The following MARCHF1 variants were observed in gnomAD, a reference collection of about 807,000 sequenced individuals.
MARCHF1 encodes membrane associated ring-CH-type finger 1.
Under a neutral mutation model 54.2 loss-of-function variants are expected in MARCHF1, and 40 were observed. That is an observed-to-expected ratio of 0.74 (90% CI 0.57 to 0.96). The LOEUF (loss-of-function observed/expected upper bound fraction) is 0.96, where lower values mean the gene tolerates loss of function less well. Ranked by LOEUF, MARCHF1 falls within the 40% of genes least tolerant of loss-of-function variation. The probability of loss-of-function intolerance (pLI) is 0.00; values close to 1 mark genes in which losing one functional copy is unlikely to be tolerated. For missense variants in MARCHF1, 586 were observed against 656.5 expected, an observed-to-expected ratio of 0.89 and a Z score of 1.17; for synonymous variants, 236 against 236.3, an observed-to-expected ratio of 1.00 and a Z score of 0.01.
At chr4:164,165,189 T>A (rs1052686664) in intron 1 of MARCHF1, among the ~76,000 whole-genome samples, 1 of 152,036 alleles carries the variant, frequency 6.6e-6, no homozygotes, top group Non-Finnish European at 1.5e-5. Flanking sequence ...ATATCTATTG[T>A]TGTGGACTGA....
chr4:163,985,137 T>C (rs1752837088), intron 3 of MARCHF1, among the ~76,000 whole-genome samples: 1 of 152,040 alleles, frequency 6.6e-6, no homozygotes, highest in African/African-American at 2.4e-5. Flanking sequence ...ACTACTGTAT[T>C]ATGTTAAATT....
At chr4:164,155,170 C>G (rs574349459) in intron 1 of MARCHF1, among the ~76,000 whole-genome samples, 1 of 151,956 alleles carries the variant, frequency 6.6e-6, no homozygotes, top group South Asian at 2.1e-4. Context: ...TTTTTGGCTG[C>G]GAAAATAGAA....
At chr4:163,857,767 A>G (rs1389691) in intron 3 of MARCHF1, among the ~76,000 whole-genome samples, 148,900 of 152,258 alleles carry the variant, frequency 0.98, 72,868 homozygotes, top group Middle Eastern at 1. Context: ...TTTAATTCAG[A>G]AAACATCTAC....
intron 1 of MARCHF1, among the ~76,000 whole-genome samples, chr4:164,328,058 G>C (rs1735328393): frequency 6.6e-6 from 1 of 152,154 alleles, no homozygotes; most frequent in Non-Finnish European, 1.5e-5. Context: ...TATACCCTCA[G>C]GGAGAGTACA....
At chr4:164,348,214 A>C (rs1319142637) in intron 1 of MARCHF1, among the ~76,000 whole-genome samples, 1 of 152,146 alleles carries the variant, frequency 6.6e-6, no homozygotes, top group East Asian at 1.9e-4. Flanking sequence ...AGACTTACTT[A>C]AAAGCATGGA....
intron 4 of MARCHF1, among the ~76,000 whole-genome samples, chr4:163,714,478 C>T (rs913522286): frequency 3.4e-4 from 51 of 152,176 alleles, no homozygotes; most frequent in African/African-American, 1.1e-3. Flanking sequence ...ACTTAATAAA[C>T]TGTTTCTCAA....
At chr4:164,066,710 A>G (rs984015524) in intron 2 of MARCHF1, among the ~76,000 whole-genome samples, 16 of 152,198 alleles carry the variant, frequency 1.1e-4, no homozygotes, top group African/African-American at 3.6e-4. Context: ...GAGATCATGT[A>G]TTTTGCAGGG....
intron 1 of MARCHF1, among the ~76,000 whole-genome samples, chr4:164,243,976 A>T (rs1732858844): frequency 6.6e-6 from 1 of 152,132 alleles, no homozygotes; most frequent in Non-Finnish European, 1.5e-5. Flanking sequence ...AGTGACCTAC[A>T]AAGAGACTTA....
intron 1 of MARCHF1, among the ~76,000 whole-genome samples, chr4:164,171,065 C>A (rs1319144213): frequency 6.6e-6 from 1 of 152,126 alleles, no homozygotes. Context: ...TAGTAACCAA[C>A]ATATTTAAAT....
intron 1 of MARCHF1, among the ~76,000 whole-genome samples, chr4:164,378,628 G>A (rs906514104): frequency 1.3e-5 from 2 of 152,188 alleles, no homozygotes; most frequent in Admixed American, 6.5e-5. Flanking sequence ...TTACAACTAT[G>A]GGCTACCATC....
chr4:164,199,681 C>CAGAGAGAGAGAGAGAGAG (rs70952609), intron 1 of MARCHF1, among the ~76,000 whole-genome samples: 13 of 47,640 alleles, frequency 2.7e-4, no homozygotes, highest in African/African-American at 9.3e-4. Flanking sequence ...CACACACACA[C>CAGAGAGAGAGAGAGAGAG]AGAGAGAGAG....
At chr4:163,699,597 T>G (rs1295958991) in intron 5 of MARCHF1, among the ~76,000 whole-genome samples, 1 of 152,194 alleles carries the variant, frequency 6.6e-6, no homozygotes, top group Non-Finnish European at 1.5e-5. Flanking sequence ...CTGAAGATTA[T>G]GACTATTTTG....
chr4:163,918,932 T>C (rs1751367617), intron 3 of MARCHF1, among the ~76,000 whole-genome samples: 1 of 152,136 alleles, frequency 6.6e-6, no homozygotes, highest in South Asian at 2.1e-4. Flanking sequence ...ACTCTTTTCC[T>C]CCTGTCGCCT....
chr4:164,367,993 T>C (rs1012803004), intron 1 of MARCHF1, among the ~76,000 whole-genome samples: 15 of 149,350 alleles, frequency 1.0e-4, no homozygotes, highest in African/African-American at 3.2e-4. Flanking sequence ...GAAGTACACA[T>C]CAGAAAAGAT....
chr4:164,380,489 T>C (rs1731335770), intron 1 of MARCHF1, among the ~76,000 whole-genome samples: 1 of 152,172 alleles, frequency 6.6e-6, no homozygotes, highest in African/African-American at 2.4e-5. Flanking sequence ...AAGTCAAAAG[T>C]AGAACACATA....
chr4:163,750,536 A>ATAAG (rs1208854403), intron 4 of MARCHF1, among the ~76,000 whole-genome samples: 1 of 151,202 alleles, frequency 6.6e-6, no homozygotes, highest in Non-Finnish European at 1.5e-5. Flanking sequence ...AAATAAATAA[A>ATAAG]TAAATAAATA....
intron 3 of MARCHF1, among the ~76,000 whole-genome samples, chr4:163,870,420 A>G (rs1248676637): frequency 6.6e-6 from 1 of 152,126 alleles, no homozygotes; most frequent in Non-Finnish European, 1.5e-5. Context: ...TGCAGAATAT[A>G]CAAGTTTTCT....
chr4:163,788,988 C>T (rs1171949007), intron 4 of MARCHF1, among the ~76,000 whole-genome samples: 1 of 151,998 alleles, frequency 6.6e-6, no homozygotes, highest in Non-Finnish European at 1.5e-5. Flanking sequence ...TAGCATTCAT[C>T]GCAGATCTTG....
chr4:163,749,052 T>G (rs978259527), intron 4 of MARCHF1, among the ~76,000 whole-genome samples: 26 of 152,186 alleles, frequency 1.7e-4, no homozygotes, highest in African/African-American at 6.3e-4. Flanking sequence ...GTGGTGTATC[T>G]TTTTATATTT....
Sources: allele counts gnomAD v4.1 joint callset (sites outside exome capture counted in the v4.1 genomes callset), GRCh38; gene constraint gnomAD v4.1.1; transcripts MANE v1.5; gene names NCBI Gene and HGNC (gene_info 2026-07-23, HGNC 2026-07-21).